GLG1: variants seen among roughly 807,000 people sequenced by gnomAD.
The protein encoded by GLG1 is Golgi apparatus protein 1.
In GLG1, 38 loss-of-function variants were observed where a neutral mutation model predicts 160.5. The observed-to-expected ratio is 0.24, with a 90% confidence interval of 0.18 to 0.31. GLG1 has a LOEUF of 0.31. Among genes scored for constraint, GLG1 ranks in the 10% least tolerant of loss-of-function variants. The probability of loss-of-function intolerance (pLI) is 1.00; values close to 1 mark genes in which losing one functional copy is unlikely to be tolerated. For missense variants in GLG1, 1,373 were observed against 1,505.2 expected (o/e 0.91, Z 1.45); for synonymous variants, 644 against 543.4 (o/e 1.19, Z -2.57).
chr16:74,589,519 C>T (rs780506255), intron 1 of GLG1, among the ~76,000 whole-genome samples: 11 of 152,094 alleles, frequency 7.2e-5, no homozygotes, highest in Non-Finnish European at 1.6e-4. Flanking sequence ...TACATATAAG[C>T]CCTGTAAACT....
chr16:74,567,257 CTTTTG>C (rs1290424377), intron 1 of GLG1, among the ~76,000 whole-genome samples: 1 of 151,680 alleles, frequency 6.6e-6, no homozygotes, highest in Non-Finnish European at 1.5e-5. Flanking sequence ...TTAGCTGTTT[CTTTTG>C]TTTTGTTGGT....
chr16:74,512,365 G>C (rs1250422346), intron 2 of GLG1, among the ~76,000 whole-genome samples: 1 of 151,470 alleles, frequency 6.6e-6, no homozygotes, highest in Admixed American at 6.6e-5. Context: ...CCGGGTTCAA[G>C]CAATTCTCCT....
Position 74,452,025 on chromosome 16 carries a change from C to A in GLG1, c.*1142G>T. ...CACGTAGAGGCACAAAGGAGCTTGTCTGGGAAGTTTGTCTGGAGTGTGCAG... is the reference window on the plus strand; with the variant it reads ...CACGTAGAGGCACAAAGGAGCTTGTATGGGAAGTTTGTCTGGAGTGTGCAG... On this transcript the variant is annotated 3_prime_UTR_variant, in exon 26 of 26. Coordinates refer to ENST00000422840, the MANE Select transcript of GLG1 (RefSeq NM_001145667.2). The A allele has an allele frequency of 6.7e-7, 1 of 1,502,410 alleles. No homozygotes were observed. Among genetic ancestry groups the A allele is most frequent in the South Asian group, 1.1e-5 (1 of 88,930 alleles). The allele number at this position is 1,502,410 out of a possible 1,614,324, so 93.1% of individuals were successfully genotyped here.
At chr16:74,547,101 T>C (rs1201973902) in intron 1 of GLG1, among the ~76,000 whole-genome samples, 6 of 152,030 alleles carry the variant, frequency 3.9e-5, no homozygotes, top group African/African-American at 1.4e-4. Context: ...TATTATATCA[T>C]TTTGGGGCCA....
At chr16:74,486,682 C>G (rs905128951) in intron 8 of GLG1, among the ~76,000 whole-genome samples, 1 of 152,004 alleles carries the variant, frequency 6.6e-6, no homozygotes, top group Non-Finnish European at 1.5e-5. Flanking sequence ...GATGAAAAAG[C>G]TCTAAATTAA....
chr16:74,522,753 G>A (rs1255411785), intron 2 of GLG1, among the ~76,000 whole-genome samples: 1 of 152,118 alleles, frequency 6.6e-6, no homozygotes, highest in Non-Finnish European at 1.5e-5. Flanking sequence ...GCGTGAACAT[G>A]GCTCACTGCA....
intron 10 of GLG1, among the ~76,000 whole-genome samples, 184 bp from the exon 11 acceptor site, chr16:74,480,578 A>G (rs4887771): frequency 0.98 from 147,940 of 151,158 alleles, 72,494 homozygotes; most frequent in East Asian, 1. Context: ...TTTTTGACAC[A>G]GGATCTCTCA....
At chr16:74,597,646 G>A (rs921968249) in intron 1 of GLG1, among the ~76,000 whole-genome samples, 3 of 151,978 alleles carry the variant, frequency 2.0e-5, no homozygotes, top group East Asian at 3.9e-4. Context: ...GAGGTCAGGA[G>A]ATTGAGACCA....
chr16:74,518,356 A>G (rs1231629441), intron 2 of GLG1, among the ~76,000 whole-genome samples: 2 of 152,180 alleles, frequency 1.3e-5, no homozygotes, highest in Admixed American at 1.3e-4. Flanking sequence ...ACAGATATAC[A>G]GGCCAATGGA....
intron 1 of GLG1, among the ~76,000 whole-genome samples, chr16:74,560,044 A>G (rs1433082960): frequency 8.5e-5 from 13 of 152,170 alleles, no homozygotes; most frequent in Non-Finnish European, 2.9e-5. Flanking sequence ...TGTACTAGGT[A>G]TTTTATGAGG....
At chr16:74,552,226 G>A (rs1404738384) in intron 1 of GLG1, 10 of 532,018 alleles carry the variant, frequency 1.9e-5, no homozygotes, top group East Asian at 4.8e-5. Context: ...CTCCAGCCCC[G>A]GACCTGGGCC....
chr16:74,544,458 G>A lies in GLG1; in HGVS notation c.439-12305C>T, dbSNP rs187366226. On this transcript the variant is annotated intron_variant, in intron 1 of 25. Transcript: ENST00000422840. ...GTGAGAATCTCCTGCACATGCAGGC[G>A]TGGTGGCATGTGCCACCAAGCCTGG... Among the ~76,000 whole-genome samples the A allele has an allele frequency of 4.6e-3, 696 of 152,184 alleles. 3 individuals carry two copies. The highest frequency in any genetic ancestry group is 7.2e-3 in the Non-Finnish European group (488 of 68,008).
In GLG1 at chr16:74,480,397, A is replaced by G. The variant is rs771519955; in HGVS notation, c.1674-3T>C. The stretch of plus-strand genomic sequence containing the variant: ...TGCGGTACAGGACAGGGTCCAGCCT[A>G]TAAGGTTAAGAGTTAAAAGATAACC... On this transcript the variant is annotated splice_region_variant and splice_polypyrimidine_tract_variant and intron_variant, in intron 10 of 25. Transcript: ENST00000422840. 11 of 1,605,012 alleles carry G rather than the reference A, an allele frequency of 6.9e-6. No homozygotes were observed. Among genetic ancestry groups the G allele is most frequent in the South Asian group, 1.1e-5 (1 of 90,148 alleles).
chr16:74,584,394 G>A (rs1012874380), intron 1 of GLG1, among the ~76,000 whole-genome samples: 2 of 152,042 alleles, frequency 1.3e-5, no homozygotes, highest in African/African-American at 2.4e-5. Context: ...ATTAATTAAC[G>A]AAGTTTTGTT....
At chr16:74,472,637 G>A (rs1202050701) in intron 13 of GLG1, 1 of 1,211,860 alleles carries the variant, frequency 8.3e-7, no homozygotes, top group South Asian at 1.3e-5. Context: ...CTTTCGGCCT[G>A]AACAAATGAG....
At chr16:74,509,832 G>C (rs931303306) in intron 2 of GLG1, among the ~76,000 whole-genome samples, 2 of 148,770 alleles carry the variant, frequency 1.3e-5, no homozygotes, top group African/African-American at 5.0e-5. Context: ...ATGGGCAACA[G>C]AGCAAGACTC....
intron 1 of GLG1, among the ~76,000 whole-genome samples, chr16:74,561,506 G>C (rs1297477572): frequency 6.6e-6 from 1 of 152,078 alleles, no homozygotes; most frequent in Non-Finnish European, 1.5e-5. Flanking sequence ...AGAATTCCCA[G>C]AACTTTAATA....
intron 1 of GLG1, among the ~76,000 whole-genome samples, chr16:74,583,920 T>G (rs1032594207): frequency 6.6e-6 from 1 of 152,146 alleles, no homozygotes; most frequent in South Asian, 2.1e-4. Context: ...AAATAATATT[T>G]ACCCAAAATT....
At chr16:74,573,726 G>C (rs2018905115) in intron 1 of GLG1, among the ~76,000 whole-genome samples, 3 of 150,518 alleles carry the variant, frequency 2.0e-5, no homozygotes, top group African/African-American at 4.9e-5. Context: ...GGGTTCAAGT[G>C]ATTTTCCCAC....
Sources: allele counts gnomAD v4.1 joint callset (sites outside exome capture counted in the v4.1 genomes callset), GRCh38; gene constraint gnomAD v4.1.1; transcripts MANE v1.5; gene names NCBI Gene and HGNC (gene_info 2026-07-23, HGNC 2026-07-21).